Variants in ESR1 observed in about 807,000 individuals in gnomAD.
ESR1 encodes the protein estrogen receptor 1.
In ESR1, 12 loss-of-function variants were observed where a neutral mutation model predicts 52.7. That is an observed-to-expected ratio of 0.23 (90% confidence interval 0.15 to 0.37). ESR1 has a LOEUF of 0.37. ESR1 is among the 10% of genes least tolerant of loss of function. The pLI is 1.00. For synonymous variants in ESR1, 305 were observed against 316.8 expected (o/e 0.96, Z 0.39); for missense variants, 584 against 779.7 (o/e 0.75, Z 2.99).
rs150448601 is a variant in ESR1, at chr6:152,013,907, T to C, written c.1235+2113T>C. On this transcript the variant is annotated intron_variant, in intron 5 of 7. Coordinates refer to ENST00000206249, the MANE Select transcript of ESR1 (RefSeq NM_000125.4). ...TCTTTCTTGGTTGAGGGGTTGATATTGTTTGGTGTGTCCTCATCCAAATCT... is the reference window on the plus strand; with the variant it reads ...TCTTTCTTGGTTGAGGGGTTGATATCGTTTGGTGTGTCCTCATCCAAATCT... Among the ~76,000 whole-genome samples, 30 of 152,272 alleles carry C rather than the reference T, an allele frequency of 2.0e-4. No individual in the cohort carries two copies. In the East Asian group the frequency reaches 5.0e-3, roughly 25 times the overall value.
chr6:152,100,890 AGTTT>A lies in ESR1; in HGVS notation c.*1929_*1932del, dbSNP rs2050942821. ...TTGCTGTTTGTTTAAGAAGCACCTT[AGTTT>A]GTTTAAGAAGCACCTTATATAGTAT... On this transcript the variant is annotated 3_prime_UTR_variant, in exon 8 of 8. Transcript: ENST00000206249. The A allele has an allele frequency of 4.4e-6, 1 of 228,932 alleles. No homozygotes were observed. Among genetic ancestry groups the A allele is most frequent in the Non-Finnish European group, 8.7e-6 (1 of 115,004 alleles). The allele number at this position is 228,932 out of a possible 1,614,324, so 14.2% of individuals were successfully genotyped here.
Position 152,100,159 on chromosome 6 carries a change from G to C in ESR1, c.*1193G>C. ...CCGCATTGCCCTTTGGGGGTGCCCT[G>C]GGATCCCTGGGGTAGTCCAGCTCTT... On this transcript the variant is annotated 3_prime_UTR_variant, in exon 8 of 8. Coordinates refer to ENST00000206249, the MANE Select transcript of ESR1 (RefSeq NM_000125.4). The C allele has an allele frequency of 2.5e-6, 1 of 398,518 alleles. No homozygotes were observed. The highest frequency in any genetic ancestry group is 3.6e-5 in the East Asian group (1 of 28,058). The allele number at this position is 398,518 out of a possible 1,614,324, so 24.7% of individuals were successfully genotyped here.
chr6:151,825,362 A>G (rs1044989279), intron 1 of ESR1, among the ~76,000 whole-genome samples: 9 of 152,218 alleles, frequency 5.9e-5, no homozygotes, highest in African/African-American at 2.2e-4. Context: ...TGGTGTGAAC[A>G]AAAGGATATG....
intron 2 of ESR1, among the ~76,000 whole-genome samples, chr6:151,705,497 G>A (rs1780119003): frequency 6.6e-6 from 1 of 152,206 alleles, no homozygotes; most frequent in Admixed American, 6.5e-5. Context: ...GGCTTGCAGA[G>A]AGAAGGATAA....
chr6:151,825,039 A>C (rs531803589), intron 1 of ESR1, among the ~76,000 whole-genome samples: 258 of 152,258 alleles, frequency 1.7e-3, no homozygotes, highest in African/African-American at 6.1e-3. Flanking sequence ...TCTTGGGGAA[A>C]TTATCTTATT....
intron 5 of ESR1, among the ~76,000 whole-genome samples, chr6:152,036,154 GA>G (rs2128881088): frequency 6.6e-6 from 1 of 152,296 alleles, no homozygotes; most frequent in African/African-American, 2.4e-5. Context: ...GAGGTCAGGA[GA>G]TCGAGACCAG....
At chr6:151,985,339 C>G (rs917434446) in intron 4 of ESR1, among the ~76,000 whole-genome samples, 1 of 151,394 alleles carries the variant, frequency 6.6e-6, no homozygotes, top group Non-Finnish European at 1.5e-5. Flanking sequence ...AATCCTATCT[C>G]TACTAAAAAT....
chr6:152,008,581 G>A (rs1378190405), intron 4 of ESR1, among the ~76,000 whole-genome samples: 2 of 152,026 alleles, frequency 1.3e-5, no homozygotes, highest in Non-Finnish European at 2.9e-5. Flanking sequence ...AACATGTAAC[G>A]TTCTCATCAG....
intron 4 of ESR1, among the ~76,000 whole-genome samples, chr6:151,957,188 A>AT (rs1396307719): frequency 6.6e-6 from 1 of 152,024 alleles, no homozygotes; most frequent in Non-Finnish European, 1.5e-5. Flanking sequence ...ACATGTCTGT[A>AT]TATTACAGCC....
chr6:151,756,904 C>T (rs914235245), intron 2 of ESR1, among the ~76,000 whole-genome samples: 20 of 152,128 alleles, frequency 1.3e-4, no homozygotes, highest in Admixed American at 6.5e-4. Flanking sequence ...GCACAAGAAT[C>T]GCTTGAACCC....
chr6:151,857,349 T>G (rs1249305804), intron 2 of ESR1, among the ~76,000 whole-genome samples: 2 of 152,024 alleles, frequency 1.3e-5, no homozygotes, highest in African/African-American at 4.8e-5. Flanking sequence ...ATGCAAATAT[T>G]ATGTCATTTT....
At chr6:151,681,739 C>T (rs539183138) in intron 1 of ESR1, among the ~76,000 whole-genome samples, 49 of 152,284 alleles carry the variant, frequency 3.2e-4, no homozygotes, top group African/African-American at 1.1e-3. Flanking sequence ...CCAAGGGATC[C>T]GGTCGCTTTG....
chr6:151,840,087 A>C (rs1429595812), intron 1 of ESR1, among the ~76,000 whole-genome samples: 1 of 152,240 alleles, frequency 6.6e-6, no homozygotes, highest in Admixed American at 6.5e-5. Context: ...TTCATTCAAC[A>C]AACATGTATT....
chr6:151,782,792 G>A lies in ESR1; in HGVS notation c.-70-25051G>A, dbSNP rs557473229. Among the ~76,000 whole-genome samples, 102 of 152,300 alleles carry A rather than the reference G, an allele frequency of 6.7e-4. 1 individual carries two copies. Among genetic ancestry groups the A allele is most frequent in the African/African-American group, 2.3e-3 (96 of 41,570 alleles). ...AAGTGCTGGCCAAATGTGGAAAAAT[G>A]TTAAGTGTAAATCAAAGGCAACTGA... On this transcript the variant is annotated intron_variant, in intron 2 of 2. Transcript: ENST00000404742.
intron 4 of ESR1, among the ~76,000 whole-genome samples, chr6:151,977,963 G>GAA (rs5880951): frequency 8.4e-5 from 10 of 118,358 alleles, no homozygotes; most frequent in African/African-American, 3.2e-4. Flanking sequence ...AAAAAAAAAA[G>GAA]AAAAAAAAAA....
At chr6:151,694,593 G>T (rs1467550695) in intron 1 of ESR1, among the ~76,000 whole-genome samples, 1 of 152,154 alleles carries the variant, frequency 6.6e-6, no homozygotes, top group African/African-American at 2.4e-5. Flanking sequence ...TTCGTGACCA[G>T]CCTGGCCAAC....
At position 151,993,947 on chromosome 6, in the gene ESR1, AATAATG is replaced by A. The variant is rs546715593; in HGVS notation, c.1097-17697_1097-17692del. On this transcript the variant is annotated intron_variant, in intron 4 of 7. Coordinates refer to ENST00000206249, the MANE Select transcript of ESR1 (RefSeq NM_000125.4). ...CTCTCTCTATTTTTTTAAACTGCAA[AATAATG>A]ATAATGATAATAATGAATACTTCTA... Among the ~76,000 whole-genome samples, 620 of 152,256 alleles carry A rather than the reference AATAATG, an allele frequency of 4.1e-3. 4 individuals carry two copies. The highest frequency in any genetic ancestry group is 0.014 in the African/African-American group (577 of 41,530).
At chr6:151,718,239 A>G (rs1781199283) in intron 2 of ESR1, among the ~76,000 whole-genome samples, 1 of 152,248 alleles carries the variant, frequency 6.6e-6, no homozygotes, top group South Asian at 2.1e-4. Context: ...AATTAGTAAT[A>G]AGAAATTGTC....
At chr6:152,016,101 T>G (rs1287948637) in intron 5 of ESR1, among the ~76,000 whole-genome samples, 4 of 152,158 alleles carry the variant, frequency 2.6e-5, no homozygotes, top group Admixed American at 1.3e-4. Context: ...GATCTGATGA[T>G]TTTATAAATG....
Sources: gnomAD v4.1 joint callset for allele counts (sites outside exome capture counted in the v4.1 genomes callset) on GRCh38, gnomAD v4.1.1 for gene constraint, MANE v1.5 for transcripts, NCBI Gene and HGNC (gene_info 2026-07-23, HGNC 2026-07-21) for gene names.